The following PRR11 variants were observed in gnomAD, a reference collection of about 807,000 sequenced individuals.
PRR11 encodes proline-rich protein 11.
A neutral mutation model predicts 45.6 loss-of-function variants in PRR11; 30 were observed. The observed-to-expected ratio is 0.66, with a 90% CI of 0.49 to 0.89. The LOEUF (loss-of-function observed/expected upper bound fraction) is 0.89. PRR11 is among the 40% of genes least tolerant of loss of function. The pLI is 0.00. For synonymous variants in PRR11, 128 were observed against 153.5 expected, an observed-to-expected ratio of 0.83 and a Z score of 1.23; for missense variants, 373 against 424.8, an observed-to-expected ratio of 0.88 and a Z score of 1.07.
intron 1 of PRR11, among the ~76,000 whole-genome samples, chr17:59,168,397 T>C (rs1215820338): frequency 6.6e-6 from 1 of 152,128 alleles, no homozygotes; most frequent in African/African-American, 2.4e-5. Flanking sequence ...CTCAAACTCC[T>C]GGCCTCGAGT....
chr17:59,170,888 G>A (rs551043296), intron 2 of PRR11, among the ~76,000 whole-genome samples: 18 of 152,238 alleles, frequency 1.2e-4, no homozygotes, highest in African/African-American at 4.1e-4. Flanking sequence ...TCTTTATTAC[G>A]TTTCCCCAAC....
At chr17:59,164,803 T>G (rs1037670195) in intron 1 of PRR11, among the ~76,000 whole-genome samples, 1 of 149,782 alleles carries the variant, frequency 6.7e-6, no homozygotes, top group Non-Finnish European at 1.5e-5. Flanking sequence ...CGCTTCAACC[T>G]GGGAGGAGGA....
intron 2 of PRR11, among the ~76,000 whole-genome samples, chr17:59,173,327 C>T (rs1044426050): frequency 2.2e-4 from 34 of 152,274 alleles, no homozygotes; most frequent in African/African-American, 7.7e-4. Flanking sequence ...CTGCCCAAGC[C>T]AGTAGTGGCA....
Position 59,176,707 on chromosome 17 carries a change from T to C in PRR11, c.128+6827T>C, listed in dbSNP as rs2046748528. Among the ~76,000 whole-genome samples, 5 of 138,336 alleles carry C rather than the reference T, an allele frequency of 3.6e-5. No individual in the cohort carries two copies. The South Asian group carries it at 1.2e-3, about 34-fold the overall frequency. The allele number at this position is 138,336 out of a possible 152,430, so 90.8% of individuals were successfully genotyped here. A position where few individuals can be genotyped will look rare whatever the true frequency, so the allele number is the denominator to read the frequency against. Reference sequence around the variant, plus strand: ...GGCTTTTTTTTTTTTTTTTTTTTTTTTTTTTTTGAGAAAAAGTCTCGCTCT... The same window carrying C: ...GGCTTTTTTTTTTTTTTTTTTTTTTCTTTTTTTGAGAAAAAGTCTCGCTCT... On this transcript the variant is annotated intron_variant, in intron 2 of 9. Coordinates refer to ENST00000262293, the MANE Select transcript of PRR11 (RefSeq NM_018304.4).
chr17:59,180,510 G>GTTTTTT (rs1555716481), intron 2 of PRR11, among the ~76,000 whole-genome samples: 4 of 108,632 alleles, frequency 3.7e-5, no homozygotes, highest in African/African-American at 1.8e-4. Flanking sequence ...TTTTTTTTTT[G>GTTTTTT]TTTTTTTTGT....
At chr17:59,162,442 T>TGTAC (rs1423430496) in intron 1 of PRR11, among the ~76,000 whole-genome samples, 1 of 152,106 alleles carries the variant, frequency 6.6e-6, no homozygotes, top group Non-Finnish European at 1.5e-5. Flanking sequence ...ACTCAAATTT[T>TGTAC]CCAGCTAATG....
At chr17:59,167,707 G>A (rs1368093647) in intron 1 of PRR11, among the ~76,000 whole-genome samples, 4 of 152,180 alleles carry the variant, frequency 2.6e-5, no homozygotes. Context: ...AGACTATATA[G>A]GGTAACTTCC....
rs977594152 is a variant in PRR11, at chr17:59,202,334, G to A, written c.*703G>A. 4 of 152,262 alleles carry A rather than the reference G, an allele frequency of 2.6e-5. No homozygotes were observed. The highest frequency in any genetic ancestry group is 4.4e-5 in the Non-Finnish European group (3 of 68,078). 9.4% of individuals were successfully genotyped at this position (152,262 alleles called of 1,614,324 possible). On this transcript the variant is annotated 3_prime_UTR_variant, in exon 10 of 10. Transcript: ENST00000262293. ...CCACCACTTTGGGAGGCCAAGGTGG[G>A]AGGATTGCTTGAGCCCAGGAATTCA...
In PRR11 at chr17:59,187,178, C is replaced by T. The variant is rs540712042; in HGVS notation, c.402+1616C>T. On this transcript the variant is annotated intron_variant, in intron 4 of 9. Transcript: ENST00000262293. ...GAGCCGAGATCGTGCTGCTGCACTC[C>T]AGCCTGGGTGACAGAGCTAGACTGT... is the stretch of plus-strand genomic sequence containing the variant. Among the ~76,000 whole-genome samples, 37 of 152,122 alleles carry T rather than the reference C, an allele frequency of 2.4e-4. No individual in the cohort carries two copies. The East Asian group carries it at 5.6e-3, about 23-fold the overall frequency.
Position 59,203,914 on chromosome 17 carries a change from A to C in PRR11, c.*2283A>C, listed in dbSNP as rs1413068571. 2 of 151,854 alleles carry C rather than the reference A, an allele frequency of 1.3e-5. No individual in the cohort carries two copies. Among genetic ancestry groups the C allele is most frequent in the East Asian group, 3.9e-4 (2 of 5,186 alleles). 9.4% of individuals were successfully genotyped at this position (151,854 alleles called of 1,614,324 possible). On this transcript the variant is annotated 3_prime_UTR_variant, in exon 10 of 10. Coordinates refer to ENST00000262293, the MANE Select transcript of PRR11 (RefSeq NM_018304.4). ...TTCTAGTAAAAGTTTTTTTTTTTAA[A>C]CCTGCTAGCTACATTTACATTATGT... is the stretch of plus-strand genomic sequence containing the variant.
intron 2 of PRR11, among the ~76,000 whole-genome samples, chr17:59,177,927 A>G (rs2046757500): frequency 6.6e-6 from 1 of 151,138 alleles, no homozygotes; most frequent in Non-Finnish European, 1.5e-5. Flanking sequence ...GCAAGAGCCC[A>G]GGAATTAGAG....
At chr17:59,167,320 C>T (rs968750589) in intron 1 of PRR11, among the ~76,000 whole-genome samples, 23 of 152,178 alleles carry the variant, frequency 1.5e-4, no homozygotes, top group African/African-American at 5.1e-4. Context: ...ATTCAATGCA[C>T]TCCTTCTAGC....
intron 2 of PRR11, among the ~76,000 whole-genome samples, chr17:59,175,714 C>T (rs1204117852): frequency 1.3e-5 from 2 of 152,080 alleles, no homozygotes; most frequent in East Asian, 3.9e-4. Context: ...TCCATTCCAG[C>T]CTCAGAGGCA....
intron 9 of PRR11, among the ~76,000 whole-genome samples, chr17:59,200,683 A>G (rs896582511): frequency 6.6e-6 from 1 of 152,126 alleles, no homozygotes; most frequent in South Asian, 2.1e-4. Flanking sequence ...TAGTAGAGAC[A>G]GGGTTTCACC....
At chr17:59,199,381 G>C (rs1191849785) in intron 9 of PRR11, among the ~76,000 whole-genome samples, 1 of 152,218 alleles carries the variant, frequency 6.6e-6, no homozygotes, top group Non-Finnish European at 1.5e-5. Flanking sequence ...AACACAGAGA[G>C]GGAGCCCAAT....
Position 59,201,649 on chromosome 17 carries a change from T to C in PRR11, c.*18T>C, listed in dbSNP as rs370352334. 3.2e-5 allele frequency: 52 copies of C among 1,610,382 alleles called. No homozygotes were observed. The highest frequency in any genetic ancestry group is 3.7e-5 in the Non-Finnish European group (44 of 1,177,354). On this transcript the variant is annotated 3_prime_UTR_variant, in exon 10 of 10. Coordinates refer to ENST00000262293, the MANE Select transcript of PRR11 (RefSeq NM_018304.4). Reference sequence around the variant, plus strand: ...AAAACTGATGCCAACTCTGCCTCACTCCATGAGATGATCCATAACAAATAC... The same window carrying C: ...AAAACTGATGCCAACTCTGCCTCACCCCATGAGATGATCCATAACAAATAC...
intron 2 of PRR11, among the ~76,000 whole-genome samples, chr17:59,184,039 A>G (rs2147848625): frequency 6.6e-6 from 1 of 152,286 alleles, no homozygotes; most frequent in African/African-American, 2.4e-5. Flanking sequence ...CAGGACTTAG[A>G]AGCTGCAGTG....
chr17:59,186,457 A>C (rs915103135), intron 4 of PRR11, among the ~76,000 whole-genome samples: 3 of 127,274 alleles, frequency 2.4e-5, no homozygotes, highest in Non-Finnish European at 4.7e-5. Flanking sequence ...GTGCAGTGGC[A>C]TGATCATGGC....
At chr17:59,188,349 T>C (rs192108395) in intron 4 of PRR11, among the ~76,000 whole-genome samples, 33 of 152,186 alleles carry the variant, frequency 2.2e-4, no homozygotes, top group Non-Finnish European at 2.8e-4. Context: ...TGATAAAACC[T>C]CTGTGGGCTA....
Sources: gnomAD v4.1 joint callset for allele counts (sites outside exome capture counted in the v4.1 genomes callset) on GRCh38, gnomAD v4.1.1 for gene constraint, MANE v1.5 for transcripts, NCBI Gene and HGNC (gene_info 2026-07-23, HGNC 2026-07-21) for gene names.